The following STPG2 variants were observed in gnomAD, a reference collection of about 807,000 sequenced individuals.
STPG2 encodes the protein sperm-tail PG-rich repeat-containing protein 2.
A neutral mutation model predicts 54.2 loss-of-function variants in STPG2; 56 were observed. That is an observed-to-expected ratio of 1.03 (90% CI 0.83 to 1.29). STPG2 has a LOEUF of 1.29. STPG2 is among the 50% of genes most tolerant of loss of function. The pLI, the probability that STPG2 is intolerant of heterozygous loss-of-function variation, is 0.00. For missense variants in STPG2, 596 were observed against 544.9 expected (o/e 1.09, Z -0.93); for synonymous variants, 200 against 181.8 (o/e 1.10, Z -0.81).
intron 8 of STPG2, among the ~76,000 whole-genome samples, chr4:97,853,570 G>A (rs1729237978): frequency 6.6e-6 from 1 of 152,008 alleles, no homozygotes; most frequent in South Asian, 2.1e-4. Flanking sequence ...TCAATAAAAA[G>A]GCTCCAAGGG....
chr4:98,034,298 T>C (rs1300269130), intron 5 of STPG2, among the ~76,000 whole-genome samples: 1 of 152,138 alleles, frequency 6.6e-6, no homozygotes, highest in Non-Finnish European at 1.5e-5. Flanking sequence ...AGCATTCCTA[T>C]ACATCAATAA....
At chr4:97,618,390 T>C (rs1733925845) in intron 10 of STPG2, among the ~76,000 whole-genome samples, 1 of 151,950 alleles carries the variant, frequency 6.6e-6, no homozygotes, top group South Asian at 2.1e-4. Context: ...AATTCCAACT[T>C]CCCAACTGAA....
intron 8 of STPG2, among the ~76,000 whole-genome samples, chr4:97,906,075 C>G (rs897376469): frequency 5.5e-4 from 84 of 152,176 alleles, no homozygotes; most frequent in Middle Eastern, 3.4e-3. Context: ...ATGAATCCAG[C>G]AGCTGGTTTT....
intron 5 of STPG2, among the ~76,000 whole-genome samples, chr4:98,040,159 T>C (rs970155905): frequency 1.3e-5 from 2 of 151,948 alleles, no homozygotes; most frequent in African/African-American, 4.8e-5. Context: ...TTGCCCACTC[T>C]TTATTGGGGC....
At chr4:97,462,373 CATT>C (rs1405815217) in intron 4 of STPG2, among the ~76,000 whole-genome samples, 4 of 151,932 alleles carry the variant, frequency 2.6e-5, no homozygotes, top group South Asian at 2.1e-4. Flanking sequence ...TAATTGCTCT[CATT>C]ATCAAATTCT....
intron 8 of STPG2, among the ~76,000 whole-genome samples, chr4:97,875,278 T>C (rs1217268987): frequency 3.9e-5 from 6 of 151,926 alleles, no homozygotes; most frequent in Non-Finnish European, 8.8e-5. Flanking sequence ...AAACTGCCTG[T>C]TTTTCCATAG....
At chr4:97,514,691 A>G (rs540547040) in intron 4 of STPG2, among the ~76,000 whole-genome samples, 36 of 152,236 alleles carry the variant, frequency 2.4e-4, no homozygotes, top group Non-Finnish European at 4.0e-4. Context: ...GTTTAAATAA[A>G]AGTTAAAAAT....
At chr4:98,111,531 T>C (rs1739347502) in intron 3 of STPG2, among the ~76,000 whole-genome samples, 1 of 152,152 alleles carries the variant, frequency 6.6e-6, no homozygotes, top group African/African-American at 2.4e-5. Context: ...TAAAATTCCT[T>C]GAACTTACCA....
intron 10 of STPG2, among the ~76,000 whole-genome samples, chr4:97,616,164 A>T (rs899499512): frequency 4.8e-5 from 7 of 145,316 alleles, no homozygotes; most frequent in Non-Finnish European, 7.5e-5. Flanking sequence ...GGTGATATAA[A>T]GATGAGATCA....
intron 9 of STPG2, among the ~76,000 whole-genome samples, chr4:97,773,896 T>C (rs1414312307): frequency 6.6e-6 from 1 of 152,062 alleles, no homozygotes; most frequent in Non-Finnish European, 1.5e-5. Context: ...ATGCCTGTAG[T>C]CCCAGCTACT....
At chr4:97,648,367 T>A (rs984643972) in intron 10 of STPG2, among the ~76,000 whole-genome samples, 11 of 152,230 alleles carry the variant, frequency 7.2e-5, no homozygotes, top group South Asian at 2.1e-4. Context: ...AATAGCTTGG[T>A]AAATAGAAGG....
chr4:97,573,231 T>A (rs569933084), intron 10 of STPG2, among the ~76,000 whole-genome samples: 1 of 152,064 alleles, frequency 6.6e-6, no homozygotes, highest in African/African-American at 2.4e-5. Flanking sequence ...AAAATAACTA[T>A]ACACGTTATA....
intron 4 of STPG2, among the ~76,000 whole-genome samples, chr4:97,550,910 A>C (rs971844797): frequency 2.6e-5 from 4 of 152,032 alleles, no homozygotes; most frequent in African/African-American, 9.7e-5. Context: ...GTAGACCTTC[A>C]CAGTTAGTGT....
chr4:97,633,292 C>T lies in STPG2; in HGVS notation c.1321-74175G>A, dbSNP rs188856969. Among the ~76,000 whole-genome samples the T allele has an allele frequency of 3.3e-5, 5 of 151,964 alleles. No homozygotes were observed. In the South Asian group the frequency reaches 6.2e-4, roughly 19 times the overall value. Reference sequence around the variant, plus strand: ...GTTTTTATTGACTTAATTAAATATACAAATTAAAAAGTTGGAATATTGTTT... The same window carrying T: ...GTTTTTATTGACTTAATTAAATATATAAATTAAAAAGTTGGAATATTGTTT... On this transcript the variant is annotated intron_variant, in intron 10 of 10. Transcript: ENST00000295268.
chr4:97,692,975 TC>T (rs1431952773), intron 10 of STPG2, among the ~76,000 whole-genome samples: 3 of 152,286 alleles, frequency 2.0e-5, no homozygotes, highest in African/African-American at 4.8e-5. Context: ...AAAGATACAA[TC>T]TTTTTCAGAC....
At chr4:97,639,595 G>GT (rs1291197764) in intron 10 of STPG2, among the ~76,000 whole-genome samples, 1 of 151,650 alleles carries the variant, frequency 6.6e-6, no homozygotes, top group Non-Finnish European at 1.5e-5. Flanking sequence ...AATTAAAATG[G>GT]TTTAAACAAA....
intron 9 of STPG2, among the ~76,000 whole-genome samples, chr4:97,731,615 G>T (rs1246960475): frequency 2.0e-5 from 3 of 152,074 alleles, no homozygotes; most frequent in African/African-American, 7.2e-5. Flanking sequence ...GTGCCCAGAT[G>T]CCTGGGCTGT....
intron 7 of STPG2, among the ~76,000 whole-genome samples, chr4:97,946,625 C>T (rs533209278): frequency 6.6e-6 from 1 of 152,228 alleles, no homozygotes; most frequent in South Asian, 2.1e-4. Context: ...ATTCAGTTTT[C>T]CCAGGACCAT....
At chr4:97,941,162 A>C (rs1732965826) in intron 8 of STPG2, among the ~76,000 whole-genome samples, 1 of 152,070 alleles carries the variant, frequency 6.6e-6, no homozygotes, top group Non-Finnish European at 1.5e-5. Context: ...TAATGTTGCT[A>C]AGCTAGTACC....
Sources: allele counts gnomAD v4.1 joint callset (sites outside exome capture counted in the v4.1 genomes callset), GRCh38; gene constraint gnomAD v4.1.1; transcripts MANE v1.5; gene names NCBI Gene and HGNC (gene_info 2026-07-23, HGNC 2026-07-21).